Variants in MITF observed in about 807,000 individuals in gnomAD.
MITF encodes microphthalmia-associated transcription factor.
Under a neutral mutation model 60.5 loss-of-function variants are expected in MITF, and 17 were observed. That is an observed-to-expected ratio of 0.28 (90% CI 0.19 to 0.42). The LOEUF (loss-of-function observed/expected upper bound fraction) is 0.42, where lower values mean the gene tolerates loss of function less well. MITF is among the 10% of genes least tolerant of loss of function. The pLI, the probability that MITF is intolerant of heterozygous loss-of-function variation, is 1.00. For synonymous variants in MITF, 260 were observed against 248.5 expected (o/e 1.05, Z -0.43); for missense variants, 622 against 683.5 (o/e 0.91, Z 1.00).
At chr3:69,861,437 G>T (rs1341581699) in intron 1 of MITF, among the ~76,000 whole-genome samples, 11 of 152,196 alleles carry the variant, frequency 7.2e-5, no homozygotes. Flanking sequence ...TGCTTCAAGA[G>T]CACAAAACAA....
chr3:69,839,443 CT>C (rs1048920141), intron 1 of MITF, among the ~76,000 whole-genome samples: 39 of 142,538 alleles, frequency 2.7e-4, no homozygotes, highest in African/African-American at 9.3e-4. Flanking sequence ...TTTGTGATTA[CT>C]TTTTTTTTTC....
intron 1 of MITF, among the ~76,000 whole-genome samples, chr3:69,758,211 C>T (rs2062159594): frequency 6.6e-6 from 1 of 151,778 alleles, no homozygotes; most frequent in Admixed American, 6.6e-5. Context: ...ACTCCATCTC[C>T]CAGATTAGAG....
At chr3:69,890,523 T>C (rs1024846183) in intron 2 of MITF, among the ~76,000 whole-genome samples, 1 of 152,184 alleles carries the variant, frequency 6.6e-6, no homozygotes, top group Non-Finnish European at 1.5e-5. Flanking sequence ...TTCTTTACCA[T>C]ACATTACATA....
At chr3:69,934,064 C>A (rs955283890) in intron 2 of MITF, among the ~76,000 whole-genome samples, 34 of 152,152 alleles carry the variant, frequency 2.2e-4, no homozygotes, top group Non-Finnish European at 4.4e-4. Flanking sequence ...CTATGTCACA[C>A]ACCACCTGTC....
At chr3:69,842,840 C>T (rs543190694) in intron 1 of MITF, among the ~76,000 whole-genome samples, 1 of 152,278 alleles carries the variant, frequency 6.6e-6, no homozygotes, top group South Asian at 2.1e-4. Flanking sequence ...CCCAGGGGTT[C>T]CACAGAGCAC....
intron 1 of MITF, among the ~76,000 whole-genome samples, chr3:69,746,148 G>T (rs374325638): frequency 1.3e-5 from 2 of 152,254 alleles, no homozygotes; most frequent in African/African-American, 2.4e-5. Flanking sequence ...TCTTGGTTTC[G>T]TTTGTTATTG....
chr3:69,798,052 A>G (rs879338959), intron 1 of MITF, among the ~76,000 whole-genome samples: 5 of 152,226 alleles, frequency 3.3e-5, no homozygotes, highest in Admixed American at 6.5e-5. Flanking sequence ...TCTGAATCCC[A>G]GTACTGTGAC....
At position 69,956,451 on chromosome 3, in the gene MITF, G is replaced by T; in HGVS notation, c.956-4G>T. ...ATAGCCTTTCCTGTGCTCTTTTCTT[G>T]AAGTTGAACGAAGAAGAAGATTTAA... On this transcript the variant is annotated splice_polypyrimidine_tract_variant and splice_region_variant and intron_variant, in intron 7 of 9. Coordinates refer to ENST00000352241, the MANE Select transcript of MITF (RefSeq NM_001354604.2). 1 of 1,611,948 alleles carries T rather than the reference G, an allele frequency of 6.2e-7. No individual in the cohort carries two copies. The highest frequency in any genetic ancestry group is 8.5e-7 in the Non-Finnish European group (1 of 1,178,190).
At chr3:69,891,136 T>C (rs2064751033) in intron 2 of MITF, among the ~76,000 whole-genome samples, 1 of 152,190 alleles carries the variant, frequency 6.6e-6, no homozygotes, top group Non-Finnish European at 1.5e-5. Flanking sequence ...AGTTTTCCAG[T>C]AGCTTTCCAG....
chr3:69,784,952 T>C (rs1435902291), intron 1 of MITF, among the ~76,000 whole-genome samples: 2 of 152,170 alleles, frequency 1.3e-5, no homozygotes, highest in Admixed American at 1.3e-4. Flanking sequence ...CTGGAGAGAC[T>C]GGCGTGGACT....
chr3:69,885,133 G>A (rs1047824457), intron 2 of MITF, among the ~76,000 whole-genome samples: 2 of 151,952 alleles, frequency 1.3e-5, no homozygotes, highest in African/African-American at 4.8e-5. Context: ...GATGTACCTG[G>A]TGGACACTTG....
intron 1 of MITF, among the ~76,000 whole-genome samples, chr3:69,753,287 G>T (rs1294943047): frequency 6.6e-6 from 1 of 152,254 alleles, no homozygotes; most frequent in African/African-American, 2.4e-5. Flanking sequence ...GAGTGCAAGA[G>T]CTGGGGCTTG....
intron 1 of MITF, among the ~76,000 whole-genome samples, chr3:69,822,644 G>C (rs1207367471): frequency 6.6e-6 from 1 of 152,194 alleles, no homozygotes; most frequent in Non-Finnish European, 1.5e-5. Context: ...AGCTGAGTAT[G>C]AGATAGATAA....
intron 1 of MITF, among the ~76,000 whole-genome samples, chr3:69,872,088 A>G (rs9823103): frequency 0.019 from 2,852 of 152,216 alleles, 92 homozygotes; most frequent in African/African-American, 0.064. Flanking sequence ...GGGCACTTCA[A>G]CTTTATCTGC....
intron 2 of MITF, among the ~76,000 whole-genome samples, chr3:69,899,392 G>A (rs1559706370): frequency 6.6e-6 from 1 of 152,162 alleles, no homozygotes; most frequent in African/African-American, 2.4e-5. Flanking sequence ...ACCATCTAAA[G>A]GATTATTGTC....
chr3:69,956,104 T>TA (rs780869464), intron 7 of MITF, among the ~76,000 whole-genome samples: 1 of 152,212 alleles, frequency 6.6e-6, no homozygotes, highest in African/African-American at 2.4e-5. Flanking sequence ...TCTAAGGGGT[T>TA]AGGTTAGAAT....
chr3:69,839,891 C>T (rs2063604936), intron 1 of MITF, among the ~76,000 whole-genome samples: 1 of 152,076 alleles, frequency 6.6e-6, no homozygotes, highest in South Asian at 2.1e-4. Flanking sequence ...TCCCCCTCCC[C>T]CCACACCCCT....
chr3:69,832,264 C>T (rs1476519434), intron 1 of MITF, among the ~76,000 whole-genome samples: 3 of 152,148 alleles, frequency 2.0e-5, no homozygotes, highest in African/African-American at 4.8e-5. Flanking sequence ...TTTATACCCC[C>T]ACTTAACATC....
At position 69,866,345 on chromosome 3, in the gene MITF, C is replaced by T. The variant is rs761597919; in HGVS notation, c.105-12789C>T. 6.2e-7 allele frequency: 1 copy of T among 1,613,618 alleles called. No homozygotes were observed. The highest frequency in any genetic ancestry group is 8.5e-7 in the Non-Finnish European group (1 of 1,179,750). On this transcript the variant is annotated intron_variant, in intron 1 of 9. Transcript: ENST00000352241. ...GCCATGCTCCTTTGAAAGCTTGTAT[C>T]TGTAAGTGAAGTTTTATTCTGGAAA... is the stretch of plus-strand genomic sequence containing the variant.
Sources: allele counts gnomAD v4.1 joint callset (sites outside exome capture counted in the v4.1 genomes callset), GRCh38; gene constraint gnomAD v4.1.1; transcripts MANE v1.5; gene names NCBI Gene and HGNC (gene_info 2026-07-23, HGNC 2026-07-21).